ITGB7: variants seen among roughly 807,000 people sequenced by gnomAD.
ITGB7 encodes the protein integrin subunit beta 7, also known as integrin beta-7.
Under a neutral mutation model 83.4 loss-of-function variants are expected in ITGB7, and 55 were observed. The observed-to-expected ratio is 0.66, with a 90% CI of 0.53 to 0.83. ITGB7 has a LOEUF of 0.83. Among genes scored for constraint, ITGB7 ranks in the 40% least tolerant of loss-of-function variants. ITGB7 has a pLI of 0.00. For synonymous variants in ITGB7, 454 were observed against 423.6 expected (o/e 1.07, Z -0.88); for missense variants, 921 against 1,046.7 (o/e 0.88, Z 1.66).
rs766380845 is a variant in ITGB7, at chr12:53,196,680, C to T, written c.715G>A (p.Ala239Thr). ...FHHVLSLTGD[A>T]QAFEREVGRQ... ...CCCACCTCCCGCTCGAAGGCTTGTG[C>T]GTCCCCCGTCAGGGACAGCACATGG... is the stretch of plus-strand genomic sequence containing the variant. The change falls in exon 6 of 16, where the codon GCA (alanine) becomes ACA (threonine). Residue 239 changes from alanine to threonine, a missense_variant. By Grantham distance (58) the Ala-to-Thr change is moderately conservative. Transcript: ENST00000267082. 33 of 1,611,316 alleles carry T rather than the reference C, an allele frequency of 2.0e-5. 1 individual carries two copies. Among genetic ancestry groups the T allele is most frequent in the South Asian group, 8.8e-5 (8 of 90,746 alleles).
intron 8 of ITGB7, 26 bp downstream of exon 8, chr12:53,195,600 G>T: frequency 6.3e-7 from 1 of 1,591,498 alleles, no homozygotes; most frequent in Non-Finnish European, 8.6e-7. Flanking sequence ...TGGGGCTGGG[G>T]GATCTGACAT....
chr12:53,202,123 C>T (rs1942334580), intron 1 of ITGB7, among the ~76,000 whole-genome samples: 1 of 152,122 alleles, frequency 6.6e-6, no homozygotes, highest in African/African-American at 2.4e-5. Flanking sequence ...CTTTGGGAGG[C>T]CGAGGCAGGT....
chr12:53,202,808 A>G, intron 1 of ITGB7, among the ~76,000 whole-genome samples: 1 of 152,134 alleles, frequency 6.6e-6, no homozygotes, highest in African/African-American at 2.4e-5. Flanking sequence ...TAAAAATACA[A>G]AAATTAGCCG....
intron 12 of ITGB7, 37 bp from the exon 13 acceptor site, chr12:53,192,947 C>T (rs2120413480): frequency 6.3e-7 from 1 of 1,590,432 alleles, no homozygotes; most frequent in Non-Finnish European, 8.6e-7. Flanking sequence ...CAACCATACT[C>T]CACACACACA....
intron 3 of ITGB7, 111 bp downstream of exon 3, chr12:53,200,132 A>G (rs754927577): frequency 4.3e-5 from 41 of 956,776 alleles, no homozygotes; most frequent in Non-Finnish European, 6.5e-5. Context: ...GAGTGTTCCC[A>G]GAAAATCATA....
In ITGB7 at chr12:53,191,467, C is replaced by T; in HGVS notation, c.*89G>A. 1 of 1,027,744 alleles carries T rather than the reference C, an allele frequency of 9.7e-7. No individual in the cohort carries two copies. The highest frequency in any genetic ancestry group is 1.5e-6 in the Non-Finnish European group (1 of 647,260). 63.7% of individuals were successfully genotyped at this position (1,027,744 alleles called of 1,614,324 possible). Reference sequence around the variant, plus strand: ...CCTCGCCAGTGAATTAGTCCCCTACCAAGGTCTTACAGACCCACCCTTCCT... The same window carrying T: ...CCTCGCCAGTGAATTAGTCCCCTACTAAGGTCTTACAGACCCACCCTTCCT... On this transcript the variant is annotated 3_prime_UTR_variant, in exon 16 of 16. Transcript: ENST00000267082.
At chr12:53,196,327 T>G in intron 6 of ITGB7, 128 bp from the exon 7 acceptor site, 1 of 1,161,968 alleles carries the variant, frequency 8.6e-7, no homozygotes, top group Non-Finnish European at 1.2e-6. Flanking sequence ...TTGCCTCCAG[T>G]ACCTTGCTTC....
intron 1 of ITGB7, among the ~76,000 whole-genome samples, chr12:53,202,710 C>T (rs759157711): frequency 6.6e-5 from 10 of 151,944 alleles, no homozygotes; most frequent in Non-Finnish European, 1.0e-4. Flanking sequence ...TGCCTGTAAT[C>T]CCAACACTTT....
chr12:53,197,433 G>A, intron 5 of ITGB7, 60 bp downstream of exon 5: 3 of 1,590,858 alleles, frequency 1.9e-6, no homozygotes, highest in Non-Finnish European at 2.6e-6. Context: ...TGTTGGCAGA[G>A]GCTAGGGCAG....
Position 53,196,568 on chromosome 12 carries a change from C to T in ITGB7, c.816+11G>A, listed in dbSNP as rs1274483741. 1.2e-6 allele frequency: 2 copies of T among 1,602,776 alleles called. No homozygotes were observed. The highest frequency in any genetic ancestry group is 1.7e-4 in the Middle Eastern group (1 of 6,002). On this transcript the variant is annotated intron_variant, in intron 6 of 15. Transcript: ENST00000267082. ...GACCTCCAGGCTCAGATCCCCGCCC[C>T]ACCTCCTCACCTGGCAGAGTGCAGC...
rs777314719 is a variant in ITGB7, at chr12:53,194,348, TGG to T, written c.1162-6_1162-5del. 4 of 1,613,752 alleles carry T rather than the reference TGG, an allele frequency of 2.5e-6. No individual in the cohort carries two copies. In the South Asian group the frequency reaches 3.3e-5, roughly 13 times the overall value. Reference sequence around the variant, plus strand: ...GGGTCACGGTGGAAGACAGGCTCTATGGGAAGAGAGCGAGTGGATAACCACGT... The same window carrying T: ...GGGTCACGGTGGAAGACAGGCTCTATGAAGAGAGCGAGTGGATAACCACGT... On this transcript the variant is annotated splice_region_variant and splice_polypyrimidine_tract_variant and intron_variant, in intron 9 of 15. Transcript: ENST00000267082.
In ITGB7 at chr12:53,192,512, C is replaced by T. The variant is rs761810729; in HGVS notation, c.1973G>A (p.Arg658Lys). ...GCAGTTGGTGGCCAGTGGGCCAGTC[C>T]TGAAGGCCCCACACTCTGCACAGTC... ...HRDCAECGAFRTGPLATNCST... is the reference protein window; with the variant it reads ...HRDCAECGAFKTGPLATNCST... Residue 658 changes from arginine to lysine, a missense_variant, in exon 14 of 16, where the codon AGG becomes AAG. Transcript: ENST00000267082. 4 of 1,614,016 alleles carry T rather than the reference C, an allele frequency of 2.5e-6. No homozygotes were observed. The highest frequency in any genetic ancestry group is 3.3e-4 in the Middle Eastern group (2 of 6,080).
intron 3 of ITGB7, 98 bp from the exon 4 acceptor site, chr12:53,198,049 C>G: frequency 1.1e-6 from 1 of 877,132 alleles, no homozygotes; most frequent in Non-Finnish European, 1.7e-6. Flanking sequence ...TCTAATGCCC[C>G]CACCTCCAGT....
rs774549141 is a variant in ITGB7 at position 53,193,832 on chromosome 12, G to A, written c.1378C>T (p.Leu460Phe). 13 of 1,614,000 alleles carry A rather than the reference G, an allele frequency of 8.1e-6. No individual in the cohort carries two copies. The East Asian group carries it at 1.8e-4, about 22-fold the overall frequency. The change falls in exon 11 of 16, where the codon CTT becomes TTT. Residue 460 changes from leucine (L) to phenylalanine (F), a missense_variant. Transcript: ENST00000267082. ...ACAATCAGCTCCTCTGAGAAGCCAA[G>A]GGCCCGGAGCCTCAGGAGATGGGGC... ...PEPHLLRLRA[L>F]GFSEELIVEL...
At position 53,196,187 on chromosome 12, in the gene ITGB7, A is replaced by G; in HGVS notation, c.829T>C (p.Trp277Arg). 1 of 1,614,060 alleles carries G rather than the reference A, an allele frequency of 6.2e-7. No homozygotes were observed. Among genetic ancestry groups the G allele is most frequent in the Non-Finnish European group, 8.5e-7 (1 of 1,179,928 alleles). Residue 277 changes from tryptophan (W) to arginine (R), a missense_variant, in exon 7 of 16, where the codon TGG becomes CGG. Coordinates refer to ENST00000267082, the MANE Select transcript of ITGB7 (RefSeq NM_000889.3). ...ACCAGCAGCCGGGACACATTTCTCC[A>G]GCCAATCTGCTCCTGAGTTACAGTG... Reference protein sequence around the residue: ...QAALCQEQIGWRNVSRLLVFT... With the variant: ...QAALCQEQIGRRNVSRLLVFT...
chr12:53,203,133 C>T (rs572269916), intron 1 of ITGB7, among the ~76,000 whole-genome samples: 6 of 152,120 alleles, frequency 3.9e-5, no homozygotes, highest in Admixed American at 2.6e-4. Flanking sequence ...GTCAAGAGAG[C>T]GAAGACAACC....
rs921191367 is a variant in ITGB7 at position 53,195,362 on chromosome 12, C to T, written c.1161+12G>A. 1.2e-6 allele frequency: 2 copies of T among 1,600,842 alleles called. No homozygotes were observed. Among genetic ancestry groups the T allele is most frequent in the Non-Finnish European group, 1.7e-6 (2 of 1,168,460 alleles). ...CCCACCCTCACCATCTCCCCTTCCCCTGGCCCCTCACATTATAAGCATCCA... is the reference window on the plus strand; with the variant it reads ...CCCACCCTCACCATCTCCCCTTCCCTTGGCCCCTCACATTATAAGCATCCA... On this transcript the variant is annotated intron_variant, in intron 9 of 15. Coordinates refer to ENST00000267082, the MANE Select transcript of ITGB7 (RefSeq NM_000889.3).
intron 9 of ITGB7, 29 bp from the exon 10 acceptor site, chr12:53,194,373 C>T (rs369904639): frequency 8.7e-6 from 14 of 1,611,812 alleles, no homozygotes; most frequent in South Asian, 1.1e-5. Context: ...TGGATAACCA[C>T]GTGAAGGCAG....
chr12:53,198,904 G>A (rs1008698476), intron 3 of ITGB7, among the ~76,000 whole-genome samples: 4 of 152,162 alleles, frequency 2.6e-5, no homozygotes, highest in East Asian at 1.9e-4. Flanking sequence ...TGGTTAGAGC[G>A]GCTTCTCAGC....
Sources: gnomAD v4.1 joint callset for allele counts (sites outside exome capture counted in the v4.1 genomes callset) on GRCh38, gnomAD v4.1.1 for gene constraint, MANE v1.5 for transcripts, NCBI Gene and HGNC (gene_info 2026-07-23, HGNC 2026-07-21) for gene names.